Variants in AGBL3 observed in about 807,000 individuals in gnomAD.
AGBL3 encodes AGBL carboxypeptidase 3, also known as cytosolic carboxypeptidase 3.
Under a neutral mutation model 94.5 loss-of-function variants are expected in AGBL3, and 68 were observed. The ratio of observed to expected loss-of-function variants is 0.72; its 90% CI spans 0.59 to 0.88. The LOEUF (loss-of-function observed/expected upper bound fraction) is 0.88. Ranked by LOEUF, AGBL3 falls within the 40% of genes least tolerant of loss-of-function variation. AGBL3 has a pLI of 0.00. For missense variants in AGBL3, 934 were observed against 1,103.8 expected (o/e 0.85, Z 2.18); for synonymous variants, 354 against 370.7 (o/e 0.95, Z 0.52).
intron 11 of AGBL3, among the ~76,000 whole-genome samples, chr7:135,058,913 T>G (rs1320593330): frequency 6.6e-6 from 1 of 152,072 alleles, no homozygotes. Context: ...AGTGCCACCA[T>G]GCCCAGCTAA....
chr7:135,043,812 T>C (rs200714047), intron 8 of AGBL3, among the ~76,000 whole-genome samples: 6 of 150,298 alleles, frequency 4.0e-5, no homozygotes, highest in African/African-American at 1.2e-4. Context: ...TAGTAAATTT[T>C]ATTGCAGGAA....
intron 16 of AGBL3, among the ~76,000 whole-genome samples, chr7:135,121,381 A>T (rs1827105779): frequency 6.6e-6 from 1 of 152,228 alleles, no homozygotes; most frequent in African/African-American, 2.4e-5. Context: ...CACTTCATCC[A>T]ACAACAGCAC....
chr7:135,054,944 G>A (rs1299435924), intron 11 of AGBL3, among the ~76,000 whole-genome samples: 2 of 152,212 alleles, frequency 1.3e-5, no homozygotes, highest in African/African-American at 4.8e-5. Flanking sequence ...AGTACAAGAA[G>A]CATGATGGTA....
intron 12 of AGBL3, 66 bp from the exon 13 acceptor site, chr7:135,076,331 A>T: frequency 8.4e-7 from 1 of 1,184,742 alleles, no homozygotes; most frequent in Non-Finnish European, 1.2e-6. Flanking sequence ...AAACAATTTC[A>T]TGTCTGCATA....
chr7:134,996,498 A>AG (rs1196077164), intron 4 of AGBL3, among the ~76,000 whole-genome samples: 1 of 18,192 alleles, frequency 5.5e-5, no homozygotes, highest in Non-Finnish European at 3.4e-3. Flanking sequence ...AATTCCCCAG[A>AG]GGTAAAAATA....
intron 8 of AGBL3, 30 bp from the exon 9 acceptor site, chr7:135,043,995 C>A: frequency 6.5e-7 from 1 of 1,538,098 alleles, no homozygotes; most frequent in Non-Finnish European, 8.8e-7. Context: ...ACCAGAACAA[C>A]GAGTCTCATT....
chr7:135,019,647 G>A (rs544293988), intron 5 of AGBL3, among the ~76,000 whole-genome samples: 15 of 152,116 alleles, frequency 9.9e-5, no homozygotes, highest in Admixed American at 7.9e-4. Flanking sequence ...GAGGCATCAC[G>A]CTACCTGACT....
chr7:135,059,007 C>T (rs915233089), intron 11 of AGBL3, among the ~76,000 whole-genome samples, 162 bp from the exon 12 acceptor site: 5 of 152,182 alleles, frequency 3.3e-5, no homozygotes, highest in Admixed American at 1.3e-4. Context: ...TCCACCTGCC[C>T]TGGCCTCCCA....
chr7:135,039,024 A>G (rs540597619), intron 8 of AGBL3, among the ~76,000 whole-genome samples: 1 of 152,276 alleles, frequency 6.6e-6, no homozygotes, highest in Non-Finnish European at 1.5e-5. Flanking sequence ...TACCTCTTAC[A>G]TTAATCTGGA....
intron 16 of AGBL3, among the ~76,000 whole-genome samples, chr7:135,125,123 A>C (rs892494665): frequency 6.6e-6 from 1 of 151,996 alleles, no homozygotes; most frequent in Non-Finnish European, 1.5e-5. Context: ...CTGTTTTTTT[A>C]AAAAAATTAA....
rs1409595335 is a variant in AGBL3, at chr7:135,034,460, A to C, written c.869A>C (p.Lys290Thr). 2 of 1,551,610 alleles carry C rather than the reference A, an allele frequency of 1.3e-6. No individual in the cohort carries two copies. Among genetic ancestry groups the C allele is most frequent in the African/African-American group, 2.7e-5 (2 of 73,042 alleles). ...LTWTFQFPHN[K>T]DTCYFAHCYP... ...TGGACATTTCAATTTCCACACAACA[A>C]AGATACCTGCTACTTTGCTCATTGC... is the stretch of plus-strand genomic sequence containing the variant. The change falls in exon 7 of 17, where the codon AAA (lysine) becomes ACA (threonine). Residue 290 changes from lysine (K) to threonine (T), a missense_variant. Around this residue, in one of 3 missense-constraint regions of AGBL3, gnomAD observed 488 missense variants for 563.6 expected, o/e 0.87. Coordinates refer to ENST00000436302, the MANE Select transcript of AGBL3 (RefSeq NM_178563.4).
intron 4 of AGBL3, 125 bp from the exon 5 acceptor site, chr7:135,016,927 C>A (rs1813870386): frequency 1.5e-6 from 1 of 669,154 alleles, no homozygotes; most frequent in Non-Finnish European, 2.6e-6. Context: ...TTAGTAAAAT[C>A]TTACCCCACA....
intron 12 of AGBL3, among the ~76,000 whole-genome samples, chr7:135,069,342 C>G (rs1216791981): frequency 2.6e-5 from 4 of 152,142 alleles, no homozygotes; most frequent in African/African-American, 9.7e-5. Context: ...CAAGGATATC[C>G]AGGAACTGAA....
chr7:135,079,414 G>A (rs1318983101), intron 13 of AGBL3, among the ~76,000 whole-genome samples: 7 of 151,918 alleles, frequency 4.6e-5, no homozygotes, highest in Admixed American at 4.6e-4. Context: ...TGAAGAGGTG[G>A]GTTTGAGCTT....
At chr7:134,998,068 A>G (rs1359300513) in intron 4 of AGBL3, among the ~76,000 whole-genome samples, 2 of 152,254 alleles carry the variant, frequency 1.3e-5, no homozygotes, top group Admixed American at 6.5e-5. Context: ...GATCATCATC[A>G]TATGACTGAC....
intron 13 of AGBL3, 100 bp downstream of exon 13, chr7:135,076,568 A>G: frequency 1.1e-6 from 1 of 917,774 alleles, no homozygotes; most frequent in Non-Finnish European, 1.6e-6. Context: ...ATTTTCCCCC[A>G]GGAGAAGTTA....
At chr7:135,049,066 A>T (rs1273002732) in intron 11 of AGBL3, among the ~76,000 whole-genome samples, 2 of 151,856 alleles carry the variant, frequency 1.3e-5, no homozygotes, top group African/African-American at 4.8e-5. Context: ...GTATGCTGTT[A>T]GCTGTGGGCT....
intron 11 of AGBL3, among the ~76,000 whole-genome samples, chr7:135,047,633 C>T (rs1012039394): frequency 4.6e-5 from 7 of 151,950 alleles, no homozygotes; most frequent in African/African-American, 1.4e-4. Flanking sequence ...CGATGTCAAG[C>T]ACTTTTTCAT....
At chr7:135,128,234 G>C (rs1054465940) in intron 16 of AGBL3, among the ~76,000 whole-genome samples, 19 of 129,396 alleles carry the variant, frequency 1.5e-4, no homozygotes, top group African/African-American at 5.5e-4. Flanking sequence ...AGAGGTTGCA[G>C]TGAGCCGAGA....
Sources: allele counts gnomAD v4.1 joint callset (sites outside exome capture counted in the v4.1 genomes callset), GRCh38; gene constraint gnomAD v4.1.1; regional missense constraint gnomAD v4.1.1; transcripts MANE v1.5; gene names NCBI Gene and HGNC (gene_info 2026-07-23, HGNC 2026-07-21).